Variants in PAX3 observed in about 807,000 individuals in gnomAD.
PAX3 encodes paired box protein Pax-3.
In PAX3, 14 loss-of-function variants were observed where a neutral mutation model predicts 51.6. That is an observed-to-expected ratio of 0.27 (90% CI 0.18 to 0.42). PAX3 has a LOEUF of 0.42. PAX3 is among the 10% of genes least tolerant of loss of function. PAX3 has a pLI of 1.00. For synonymous variants in PAX3, 280 were observed against 253.4 expected (o/e 1.11, Z -1.00); for missense variants, 540 against 642.8 (o/e 0.84, Z 1.73).
chr2:222,229,748 G>A (rs1165276808), intron 5 of PAX3, among the ~76,000 whole-genome samples: 1 of 152,142 alleles, frequency 6.6e-6, no homozygotes, highest in Non-Finnish European at 1.5e-5. Flanking sequence ...TATGACTAGA[G>A]TGAAAAAGAA....
At chr2:222,269,693 C>T (rs1374175089) in intron 4 of PAX3, among the ~76,000 whole-genome samples, 2 of 151,856 alleles carry the variant, frequency 1.3e-5, no homozygotes, top group African/African-American at 4.8e-5. Context: ...CAGCAAATCC[C>T]TTCACCATTT....
In PAX3 at chr2:222,293,593, C is replaced by T. The variant is rs45564641; in HGVS notation, c.586+574G>A. Reference sequence around the variant, plus strand: ...AATTCCCAGGCACACACAGGTTAAACCCCCTCACATTTGAAAATCAACTTC... The same window carrying T: ...AATTCCCAGGCACACACAGGTTAAATCCCCTCACATTTGAAAATCAACTTC... On this transcript the variant is annotated intron_variant, in intron 4 of 8. Coordinates refer to ENST00000392070, the MANE Select transcript of PAX3 (RefSeq NM_181458.4). 14 of 1,598,040 alleles carry T rather than the reference C, an allele frequency of 8.8e-6. No individual in the cohort carries two copies. The Middle Eastern group carries it at 4.9e-4, about 56-fold the overall frequency.
intron 4 of PAX3, among the ~76,000 whole-genome samples, chr2:222,278,404 G>T (rs1694507223): frequency 6.6e-6 from 1 of 152,220 alleles, no homozygotes; most frequent in South Asian, 2.1e-4. Flanking sequence ...AGCCACTAAG[G>T]ATTTAAGAGC....
At chr2:222,248,173 C>G (rs1693296698) in intron 4 of PAX3, among the ~76,000 whole-genome samples, 1 of 152,116 alleles carries the variant, frequency 6.6e-6, no homozygotes, top group African/African-American at 2.4e-5. Flanking sequence ...AGTAAATTAG[C>G]TGTAAAATAT....
Position 222,200,615 on chromosome 2 carries a change from C to G in PAX3, c.*793G>C, listed in dbSNP as rs1364315565. ...ATGTGAATGCATGTCACTTTCTCTC[C>G]ACCGTGCCCTTCCTCCAACCCAGGT... On this transcript the variant is annotated 3_prime_UTR_variant, in exon 9 of 9. Transcript: ENST00000392070. 4.0e-6 allele frequency: 1 copy of G among 248,606 alleles called. No individual in the cohort carries two copies. The highest frequency in any genetic ancestry group is 2.2e-5 in the African/African-American group (1 of 45,356). The allele number at this position is 248,606 out of a possible 1,614,324, so 15.4% of individuals were successfully genotyped here. A position where few individuals can be genotyped will look rare whatever the true frequency, so the allele number is the denominator to read the frequency against.
At chr2:222,262,793 G>GGAACA (rs1235058808) in intron 4 of PAX3, 1 of 151,954 alleles carries the variant, frequency 6.6e-6, no homozygotes, top group Non-Finnish European at 1.5e-5. Flanking sequence ...ATATATATAT[G>GGAACA]GAACAGAACA....
At chr2:222,206,343 A>T (rs1225535761) in intron 7 of PAX3, among the ~76,000 whole-genome samples, 1 of 152,124 alleles carries the variant, frequency 6.6e-6, no homozygotes, top group Non-Finnish European at 1.5e-5. Flanking sequence ...TCTCATTAGA[A>T]AAGGAAGCAA....
chr2:222,235,503 T>C (rs1434949998), intron 4 of PAX3, among the ~76,000 whole-genome samples: 1 of 152,198 alleles, frequency 6.6e-6, no homozygotes, highest in East Asian at 1.9e-4. Context: ...TCATGTTGAA[T>C]GTTTAGCAGG....
At chr2:222,272,414 T>A (rs561185000) in intron 4 of PAX3, among the ~76,000 whole-genome samples, 6 of 152,324 alleles carry the variant, frequency 3.9e-5, no homozygotes, top group African/African-American at 1.4e-4. Flanking sequence ...TAGGCTTCAA[T>A]GGGTAACATT....
chr2:222,270,170 C>A (rs1375998915), intron 4 of PAX3, among the ~76,000 whole-genome samples: 2 of 152,154 alleles, frequency 1.3e-5, no homozygotes, highest in African/African-American at 4.8e-5. Context: ...AGCCCTGTTT[C>A]CCCTCTTCAT....
chr2:222,289,579 A>G (rs959734816), intron 4 of PAX3, among the ~76,000 whole-genome samples: 2 of 152,176 alleles, frequency 1.3e-5, no homozygotes, highest in East Asian at 1.9e-4. Context: ...GGTGCTATCA[A>G]CAATCAAATC....
chr2:222,295,733 C>T lies in PAX3; in HGVS notation c.322-76G>A. The T allele has an allele frequency of 3.2e-6, 5 of 1,546,234 alleles. No homozygotes were observed. In the South Asian group the frequency reaches 3.4e-5, roughly 10 times the overall value. ...TGGCGGCGGCCCCACCGCCTCTGGG[C>T]CTGTCGGGATGCTCCTCGCTGAATC... On this transcript the variant is annotated intron_variant, in intron 2 of 8. Transcript: ENST00000392070.
chr2:222,246,665 G>A (rs377036007), intron 4 of PAX3, among the ~76,000 whole-genome samples: 5 of 151,964 alleles, frequency 3.3e-5, no homozygotes, highest in African/African-American at 4.8e-5. Context: ...GTGTTTCTTC[G>A]CATTCTTTTT....
intron 4 of PAX3, chr2:222,287,674 C>T (rs1694879885): frequency 6.6e-6 from 1 of 152,162 alleles, no homozygotes; most frequent in Admixed American, 6.5e-5. Context: ...TAACTTCTAG[C>T]TTAATCTATT....
At chr2:222,286,152 G>T (rs1235422897) in intron 4 of PAX3, among the ~76,000 whole-genome samples, 3 of 152,158 alleles carry the variant, frequency 2.0e-5, no homozygotes, top group Admixed American at 6.5e-5. Context: ...TGGCCAGGCT[G>T]GTCTCAAACT....
chr2:222,275,555 A>G (rs1694389969), intron 4 of PAX3, among the ~76,000 whole-genome samples: 1 of 152,212 alleles, frequency 6.6e-6, no homozygotes, highest in Non-Finnish European at 1.5e-5. Flanking sequence ...TTCAGAATAT[A>G]TAGCTGAAAA....
chr2:222,297,922 A>G (rs1574773915), intron 1 of PAX3, among the ~76,000 whole-genome samples: 2 of 152,328 alleles, frequency 1.3e-5, no homozygotes, highest in South Asian at 4.1e-4. Flanking sequence ...AAAACGGCTC[A>G]GGCTTGCAAG....
intron 4 of PAX3, among the ~76,000 whole-genome samples, chr2:222,250,222 C>A (rs1384379076): frequency 6.6e-6 from 1 of 152,042 alleles, no homozygotes; most frequent in Non-Finnish European, 1.5e-5. Context: ...TTGTGAAATT[C>A]TATTATGAAT....
chr2:222,228,178 G>A (rs182976825), intron 5 of PAX3, among the ~76,000 whole-genome samples: 1 of 152,198 alleles, frequency 6.6e-6, no homozygotes, highest in South Asian at 2.1e-4. Context: ...CCATATGCTG[G>A]GTGTTCTAGG....
Sources: allele counts gnomAD v4.1 joint callset (sites outside exome capture counted in the v4.1 genomes callset), GRCh38; gene constraint gnomAD v4.1.1; transcripts MANE v1.5; gene names NCBI Gene and HGNC (gene_info 2026-07-23, HGNC 2026-07-21).